The following DLGAP1 variants were observed in gnomAD, a reference collection of about 807,000 sequenced individuals.
DLGAP1 encodes disks large-associated protein 1.
Under a neutral mutation model 90.8 loss-of-function variants are expected in DLGAP1, and 11 were observed. The observed-to-expected ratio is 0.12, with a 90% CI of 0.08 to 0.20. The LOEUF is 0.20. Ranked by LOEUF, DLGAP1 falls within the 10% of genes least tolerant of loss-of-function variation. The pLI, the probability that DLGAP1 is intolerant of heterozygous loss-of-function variation, is 1.00. For synonymous variants in DLGAP1, 558 were observed against 540.7 expected (o/e 1.03, Z -0.44); for missense variants, 1,050 against 1,333.8 (o/e 0.79, Z 3.31).
chr18:4,171,582 A>G lies in DLGAP1; in HGVS notation c.-266-20295T>C, dbSNP rs112186763. Among the ~76,000 whole-genome samples, 1,514 of 151,998 alleles carry G rather than the reference A, an allele frequency of 1.0e-2. 27 individuals carry two copies. Among genetic ancestry groups the G allele is most frequent in the African/African-American group, 0.03 (1,243 of 41,438 alleles). ...TCCATCTCAAAAAAAAAAAAAGAAAAAAAAGAAAGTATCTTTAGGAGGCGA... is the reference window on the plus strand; with the variant it reads ...TCCATCTCAAAAAAAAAAAAAGAAAGAAAAGAAAGTATCTTTAGGAGGCGA... On this transcript the variant is annotated intron_variant, in intron 1 of 12. Coordinates refer to ENST00000315677, the MANE Select transcript of DLGAP1 (RefSeq NM_004746.4).
At chr18:4,082,919 C>G (rs138879453) in intron 2 of DLGAP1, among the ~76,000 whole-genome samples, 17 of 152,204 alleles carry the variant, frequency 1.1e-4, no homozygotes, top group African/African-American at 4.1e-4. Flanking sequence ...TAATGCTCTG[C>G]TGTAGCTACC....
intron 10 of DLGAP1, among the ~76,000 whole-genome samples, chr18:3,532,514 G>A (rs537181142): frequency 1.6e-3 from 237 of 151,076 alleles, no homozygotes; most frequent in Non-Finnish European, 2.6e-3. Context: ...GGAGGCAGAC[G>A]TTGCGGTGAG....
intron 1 of DLGAP1, among the ~76,000 whole-genome samples, chr18:4,279,375 T>C (rs1417004536): frequency 2.0e-5 from 3 of 152,270 alleles, no homozygotes; most frequent in Admixed American, 2.0e-4. Context: ...TTGGGCATTT[T>C]AGATACACCA....
intron 4 of DLGAP1, among the ~76,000 whole-genome samples, chr18:3,871,852 A>G (rs539942534): frequency 3.9e-5 from 6 of 152,238 alleles, no homozygotes; most frequent in Non-Finnish European, 7.3e-5. Context: ...ATACCTATGC[A>G]GATAGAAGGT....
chr18:4,224,027 G>A (rs1479315384), intron 1 of DLGAP1, among the ~76,000 whole-genome samples: 2 of 152,220 alleles, frequency 1.3e-5, no homozygotes, highest in Non-Finnish European at 2.9e-5. Flanking sequence ...ACTGAGCAGA[G>A]TCCTGAGACA....
intron 7 of DLGAP1, among the ~76,000 whole-genome samples, chr18:3,621,017 C>T (rs1450640778): frequency 6.6e-6 from 1 of 152,202 alleles, no homozygotes; most frequent in Admixed American, 6.5e-5. Flanking sequence ...CCCAGGACTA[C>T]TGGGTCAGAA....
chr18:3,509,458 C>T (rs1186874198), intron 10 of DLGAP1, among the ~76,000 whole-genome samples: 1 of 152,218 alleles, frequency 6.6e-6, no homozygotes, highest in African/African-American at 2.4e-5. Flanking sequence ...GAGCTGCTTT[C>T]CGCTGAGCAA....
intron 1 of DLGAP1, among the ~76,000 whole-genome samples, chr18:4,387,529 T>C (rs73386816): frequency 0.042 from 6,456 of 152,326 alleles, 434 homozygotes; most frequent in African/African-American, 0.15. Flanking sequence ...TGTCTCTTGC[T>C]CATAAGAACA....
intron 2 of DLGAP1, among the ~76,000 whole-genome samples, chr18:4,102,764 A>C (rs1338976526): frequency 2.0e-5 from 3 of 152,210 alleles, no homozygotes; most frequent in African/African-American, 7.2e-5. Flanking sequence ...TTTATTATGT[A>C]TAAATATCTA....
At position 4,383,437 on chromosome 18, in the gene DLGAP1, G is replaced by T. The variant is rs644601; in HGVS notation, c.-267+71569C>A. ...TTTGAAAATATAATCCTAATAAAAT[G>T]GGCATGTAAGATATCTCCCTCTAGT... On this transcript the variant is annotated intron_variant, in intron 1 of 12. Coordinates refer to ENST00000315677, the MANE Select transcript of DLGAP1 (RefSeq NM_004746.4). This position sits in a 1 kb window ranked among gnomAD's most constrained non-coding sequence, Gnocchi z 4.0. 0.91 allele frequency among the ~76,000 whole-genome samples: 138,801 copies of T among 152,082 alleles called. 63,649 individuals carry two copies. The highest frequency in any genetic ancestry group is 1 in the East Asian group (5,165 of 5,166).
intron 1 of DLGAP1, among the ~76,000 whole-genome samples, chr18:4,177,254 A>G: frequency 6.6e-6 from 1 of 151,526 alleles, no homozygotes; most frequent in Non-Finnish European, 1.5e-5. Flanking sequence ...TGCAGAGTGG[A>G]TGGAATTCTC....
At chr18:3,709,133 AT>A in intron 7 of DLGAP1, among the ~76,000 whole-genome samples, 1 of 152,330 alleles carries the variant, frequency 6.6e-6, no homozygotes, top group Middle Eastern at 3.4e-3. Flanking sequence ...TCCTATAAAT[AT>A]ACACTTGCAA....
intron 5 of DLGAP1, among the ~76,000 whole-genome samples, chr18:3,759,473 G>A (rs1190150574): frequency 6.6e-6 from 1 of 152,162 alleles, no homozygotes; most frequent in Non-Finnish European, 1.5e-5. Context: ...AACATAAAAT[G>A]CAATTCTTTC....
At chr18:3,672,342 C>T (rs1179667588) in intron 7 of DLGAP1, among the ~76,000 whole-genome samples, 1 of 151,762 alleles carries the variant, frequency 6.6e-6, no homozygotes, top group Non-Finnish European at 1.5e-5. Flanking sequence ...CTTTGGGAGG[C>T]TGAGGAGGGC....
intron 8 of DLGAP1, among the ~76,000 whole-genome samples, chr18:3,570,328 G>T (rs474219): frequency 6.6e-6 from 1 of 150,512 alleles, no homozygotes; most frequent in Non-Finnish European, 1.5e-5. Flanking sequence ...GCCCAGGTTA[G>T]AGTGCAGTGG....
At chr18:3,574,907 C>T (rs1388028137) in intron 8 of DLGAP1, among the ~76,000 whole-genome samples, 5 of 151,030 alleles carry the variant, frequency 3.3e-5, no homozygotes, top group Admixed American at 6.6e-5. Flanking sequence ...CTCCACCTCC[C>T]GGGTTCACGC....
At chr18:4,054,534 G>A (rs1442373) in intron 2 of DLGAP1, among the ~76,000 whole-genome samples, 89,043 of 151,930 alleles carry the variant, frequency 0.59, 26,204 homozygotes, top group East Asian at 0.65. Context: ...ACAGGGATGT[G>A]CCATTCCTTT....
intron 2 of DLGAP1, among the ~76,000 whole-genome samples, chr18:4,116,413 A>G (rs2076064583): frequency 6.6e-6 from 1 of 152,100 alleles, no homozygotes; most frequent in African/African-American, 2.4e-5. Context: ...TTTTTCAGAC[A>G]TTGTTTCCTT....
At chr18:3,607,375 C>G (rs952585962) in intron 7 of DLGAP1, 2 of 152,094 alleles carry the variant, frequency 1.3e-5, no homozygotes, top group African/African-American at 4.8e-5. Flanking sequence ...CCAGGCTGGT[C>G]TTGAGCTCCT....
Sources: allele counts gnomAD v4.1 joint callset (sites outside exome capture counted in the v4.1 genomes callset), GRCh38; gene constraint gnomAD v4.1.1; non-coding constraint Gnocchi (gnomAD v3.1); transcripts MANE v1.5; gene names NCBI Gene and HGNC (gene_info 2026-07-23, HGNC 2026-07-21).